The following BMP6 variants were observed in gnomAD, a reference collection of about 807,000 sequenced individuals.
BMP6 encodes the protein bone morphogenetic protein 6, also known as VG-1-R.
BMP6 carries 17 observed loss-of-function variants against 54.1 expected under a neutral mutation model. The ratio of observed to expected loss-of-function variants is 0.31; its 90% confidence interval spans 0.22 to 0.47. The LOEUF is 0.47. Among genes scored for constraint, BMP6 ranks in the 20% least tolerant of loss-of-function variants. The pLI, the probability that BMP6 is intolerant of heterozygous loss-of-function variation, is 1.00. For synonymous variants in BMP6, 328 were observed against 291.2 expected, an observed-to-expected ratio of 1.13 and a Z score of -1.28; for missense variants, 720 against 690.4, an observed-to-expected ratio of 1.04 and a Z score of -0.48.
At chr6:7,799,149 C>A (rs1260992767) in intron 1 of BMP6, among the ~76,000 whole-genome samples, 1 of 152,122 alleles carries the variant, frequency 6.6e-6, no homozygotes, top group African/African-American at 2.4e-5. Flanking sequence ...GGCAATGACT[C>A]CAAAGGAGGG....
intron 1 of BMP6, among the ~76,000 whole-genome samples, chr6:7,818,715 T>C (rs1758564924): frequency 6.6e-6 from 1 of 152,248 alleles, no homozygotes; most frequent in South Asian, 2.1e-4. Context: ...CCTTGCCCCG[T>C]AGCCCTTGCT....
At position 7,873,619 on chromosome 6, in the gene BMP6, C is replaced by G. The variant is rs144239743; in HGVS notation, c.1205-5455C>G. 5.8e-3 allele frequency among the ~76,000 whole-genome samples: 877 copies of G among 152,200 alleles called. 4 individuals carry two copies. Among genetic ancestry groups the G allele is most frequent in the Non-Finnish European group, 8.2e-3 (559 of 68,010 alleles). On this transcript the variant is annotated intron_variant, in intron 4 of 6. Coordinates refer to ENST00000283147, the MANE Select transcript of BMP6 (RefSeq NM_001718.6). ...TAAGCCAAAGTTCCAACCCCCTAAT[C>G]CTGTGCTTGGCTTTTTTGGTAACTA...
intron 4 of BMP6, among the ~76,000 whole-genome samples, chr6:7,868,249 G>A (rs1000975893): frequency 7.2e-5 from 11 of 152,172 alleles, no homozygotes; most frequent in Non-Finnish European, 1.5e-4. Context: ...GGGCCTCACT[G>A]TTGCTTCTCA....
In BMP6 at chr6:7,727,711, C is replaced by G. The variant is rs1219919162; in HGVS notation, c.664+92C>G. 2.2e-6 allele frequency: 3 copies of G among 1,346,930 alleles called. No individual in the cohort carries two copies. In the South Asian group the frequency reaches 5.4e-5, roughly 24 times the overall value. 83.4% of individuals were successfully genotyped at this position (1,346,930 alleles called of 1,614,324 possible). On this transcript the variant is annotated intron_variant, in intron 1 of 6. Transcript: ENST00000283147. ...TGGAGTGAGGGGGTGGAGGAGCTCCCGGCGCGCGGGTCCCGCCTGGTGCGC... is the reference window on the plus strand; with the variant it reads ...TGGAGTGAGGGGGTGGAGGAGCTCCGGGCGCGCGGGTCCCGCCTGGTGCGC...
In BMP6 at chr6:7,836,638, CAAAAT is replaced by C. The variant is rs1758881414; in HGVS notation, c.665-8498_665-8494del. Among the ~76,000 whole-genome samples the C allele has an allele frequency of 1.3e-5, 2 of 151,978 alleles. 1 individual carries two copies. Among genetic ancestry groups the C allele is most frequent in the Admixed American group, 1.3e-4 (2 of 15,256 alleles). On this transcript the variant is annotated intron_variant, in intron 1 of 6. Transcript: ENST00000283147. ...TGTGGGACTTTAATTATTTACAACA[CAAAAT>C]AAAGTTTAAAAATGTCATTTGGAGC... is the stretch of plus-strand genomic sequence containing the variant.
chr6:7,749,477 A>G (rs1261172398), intron 1 of BMP6, among the ~76,000 whole-genome samples: 4 of 152,160 alleles, frequency 2.6e-5, no homozygotes, highest in African/African-American at 4.8e-5. Flanking sequence ...TCTCAGATCT[A>G]TTTTCAGAAC....
At chr6:7,845,421 G>T in intron 2 of BMP6, 89 bp downstream of exon 2, 1 of 1,282,060 alleles carries the variant, frequency 7.8e-7, no homozygotes, top group Non-Finnish European at 1.1e-6. Context: ...TGTCTGTGCA[G>T]GGTGACCTGG....
At chr6:7,732,656 T>A (rs1761885913) in intron 1 of BMP6, among the ~76,000 whole-genome samples, 1 of 151,646 alleles carries the variant, frequency 6.6e-6, no homozygotes, top group South Asian at 2.1e-4. Context: ...TGACTATGAA[T>A]ACTGGCTAAA....
chr6:7,845,051 A>T, intron 1 of BMP6, 89 bp from the exon 2 acceptor site: 1 of 1,199,448 alleles, frequency 8.3e-7, no homozygotes, highest in Non-Finnish European at 1.2e-6. Flanking sequence ...TAATCCACCT[A>T]TGAAGTCAAA....
At chr6:7,755,449 A>G (rs1757500017) in intron 1 of BMP6, among the ~76,000 whole-genome samples, 1 of 152,234 alleles carries the variant, frequency 6.6e-6, no homozygotes, top group Admixed American at 6.5e-5. Flanking sequence ...GAATTTTACA[A>G]CAGTATACTT....
At chr6:7,778,921 C>T (rs1349561919) in intron 1 of BMP6, among the ~76,000 whole-genome samples, 1 of 152,214 alleles carries the variant, frequency 6.6e-6, no homozygotes, top group Non-Finnish European at 1.5e-5. Flanking sequence ...GTATTCGTAT[C>T]CTATTTCTCC....
intron 4 of BMP6, among the ~76,000 whole-genome samples, chr6:7,863,877 G>A (rs538822582): frequency 1.7e-3 from 253 of 152,276 alleles, no homozygotes; most frequent in African/African-American, 5.9e-3. Context: ...AAAATTAGCT[G>A]GGTGTGGTGG....
In BMP6 at chr6:7,807,626, C is replaced by A. The variant is rs1225987; in HGVS notation, c.665-37514C>A. On this transcript the variant is annotated intron_variant, in intron 1 of 6. Transcript: ENST00000283147. ...TTTTGGGGCTCCATCCCAGACCTAC[C>A]AATTCAGAAACTCCAGGAGCGGGTC... Among the ~76,000 whole-genome samples, 1,487 of 152,228 alleles carry A rather than the reference C, an allele frequency of 9.8e-3. 25 individuals are homozygous for A. The highest frequency in any genetic ancestry group is 0.034 in the Middle Eastern group (10 of 294).
At chr6:7,819,895 G>A (rs1242756217) in intron 1 of BMP6, among the ~76,000 whole-genome samples, 1 of 152,182 alleles carries the variant, frequency 6.6e-6, no homozygotes, top group Admixed American at 6.5e-5. Flanking sequence ...ATGGAAAGAG[G>A]CATTCCAAAT....
chr6:7,815,785 C>T (rs1758516338), intron 1 of BMP6, among the ~76,000 whole-genome samples: 1 of 152,178 alleles, frequency 6.6e-6, no homozygotes, highest in South Asian at 2.1e-4. Context: ...TTATAATTAA[C>T]AGTGGGCGTT....
chr6:7,864,955 A>G (rs1214981842), intron 4 of BMP6, among the ~76,000 whole-genome samples: 1 of 152,084 alleles, frequency 6.6e-6, no homozygotes, highest in Non-Finnish European at 1.5e-5. Context: ...TGCCAATGGT[A>G]GGCTTCAATT....
intron 1 of BMP6, among the ~76,000 whole-genome samples, chr6:7,843,921 G>T (rs1398310767): frequency 2.0e-5 from 3 of 152,066 alleles, no homozygotes; most frequent in East Asian, 3.9e-4. Flanking sequence ...GACAAATATT[G>T]TATGTATTTA....
intron 1 of BMP6, among the ~76,000 whole-genome samples, chr6:7,761,075 C>T (rs918210865): frequency 6.6e-6 from 1 of 152,244 alleles, no homozygotes; most frequent in Non-Finnish European, 1.5e-5. Context: ...ATTATCGTTA[C>T]AATGCGATAC....
chr6:7,822,895 GGTTGTGTGTGTGT>G (rs1758633418), intron 1 of BMP6, among the ~76,000 whole-genome samples: 2 of 144,096 alleles, frequency 1.4e-5, no homozygotes, highest in African/African-American at 5.3e-5. Context: ...GATTGGTGCT[GGTTGTGTGTGTGT>G]GTGTGTGTGT....
Sources: allele counts gnomAD v4.1 joint callset (sites outside exome capture counted in the v4.1 genomes callset), GRCh38; gene constraint gnomAD v4.1.1; transcripts MANE v1.5; gene names NCBI Gene and HGNC (gene_info 2026-07-23, HGNC 2026-07-21).